The following ZC3H12B variants were observed in gnomAD, a reference collection of about 807,000 sequenced individuals.
The protein encoded by ZC3H12B is zinc finger CCCH-type containing 12B, also known as probable ribonuclease ZC3H12B.
A neutral mutation model predicts 43.9 loss-of-function variants in ZC3H12B; 7 were observed. The ratio of observed to expected loss-of-function variants is 0.16; its 90% confidence interval spans 0.09 to 0.30. The LOEUF (loss-of-function observed/expected upper bound fraction) is 0.30. ZC3H12B is among the 10% of genes least tolerant of loss of function. The pLI is 1.00. For synonymous variants in ZC3H12B, 222 were observed against 241.7 expected (o/e 0.92, Z 0.76); for missense variants, 475 against 670.2 (o/e 0.71, Z 3.22).
intron 3 of ZC3H12B, among the ~76,000 whole-genome samples, chrX:65,429,967 T>C (rs1420375681): frequency 8.9e-6 from 1 of 111,996 alleles, no homozygotes; most frequent in African/African-American, 3.2e-5. Context: ...TCAGGCAGAC[T>C]CCACCCAGTT....
chrX:65,389,398 A>C (rs754456479), intron 2 of ZC3H12B, among the ~76,000 whole-genome samples: 4 of 112,553 alleles, frequency 3.6e-5, no homozygotes, highest in Admixed American at 1.9e-4. Context: ...CTGTGCTAGC[A>C]GTGAGCGGGG....
the ZC3H12B span, among the ~76,000 whole-genome samples, chrX:65,333,448 G>T: frequency 1.8e-5 from 2 of 112,129 alleles, no homozygotes; most frequent in Admixed American, 1.9e-4. Flanking sequence ...GTTCACAGCA[G>T]TATAGTTTAC....
intron 3 of ZC3H12B, among the ~76,000 whole-genome samples, chrX:65,401,229 G>T (rs2066759015): frequency 9.0e-6 from 1 of 111,624 alleles, no homozygotes; most frequent in Non-Finnish European, 1.9e-5. Flanking sequence ...CGCACCCTTG[G>T]CAGCAGCAGT....
chrX:65,345,939 C>T, the ZC3H12B span, among the ~76,000 whole-genome samples: 4 of 110,890 alleles, frequency 3.6e-5, no homozygotes, highest in Non-Finnish European at 7.5e-5. Flanking sequence ...CCATGAAGAA[C>T]TACAAAACAC....
At chrX:65,310,403 C>A in the ZC3H12B span, among the ~76,000 whole-genome samples, 2 of 111,110 alleles carry the variant, frequency 1.8e-5, no homozygotes, top group Non-Finnish European at 3.8e-5. Context: ...CATTCACAAT[C>A]GCCATAAAGA....
upstream of ZC3H12B, among the ~76,000 whole-genome samples, chrX:65,363,188 T>C (rs187122082): frequency 3.6e-5 from 4 of 111,223 alleles, no homozygotes; most frequent in African/African-American, 9.8e-5. Flanking sequence ...AACCTTCTAC[T>C]TTGTAGCCCC....
chrX:65,228,705 G>A, the ZC3H12B span, among the ~76,000 whole-genome samples: 7 of 112,071 alleles, frequency 6.2e-5, no homozygotes, highest in Non-Finnish European at 9.4e-5. Context: ...CAAAATCAAT[G>A]TACAAAAATC....
chrX:65,389,119 G>C (rs1021616140), intron 2 of ZC3H12B, among the ~76,000 whole-genome samples: 3 of 112,117 alleles, frequency 2.7e-5, no homozygotes, highest in Non-Finnish European at 5.6e-5. Flanking sequence ...GTCCGTTCTC[G>C]GATCTCCAGC....
the ZC3H12B span, among the ~76,000 whole-genome samples, chrX:65,044,263 G>A: frequency 5.4e-5 from 6 of 111,501 alleles, no homozygotes; most frequent in East Asian, 1.4e-3. Flanking sequence ...AACATTTCAG[G>A]CAGAAAGAAT....
chrX:65,381,624 A>G (rs2066441131), intron 2 of ZC3H12B, among the ~76,000 whole-genome samples: 1 of 112,193 alleles, frequency 8.9e-6, no homozygotes, highest in Non-Finnish European at 1.9e-5. Context: ...TGAAGGAAAT[A>G]GAGACACAAA....
the ZC3H12B span, among the ~76,000 whole-genome samples, chrX:65,068,055 G>T: frequency 1.2e-5 from 1 of 82,765 alleles, no homozygotes; most frequent in African/African-American, 4.7e-5. Flanking sequence ...AATTTCTCTT[G>T]TTATTGATTT....
intron 3 of ZC3H12B, among the ~76,000 whole-genome samples, chrX:65,407,160 AAAAG>A (rs1237602101): frequency 8.8e-6 from 1 of 113,142 alleles, no homozygotes. Context: ...ACTGAGGAAG[AAAAG>A]AAAGAAGACC....
At chrX:65,359,183 T>G in the ZC3H12B span, among the ~76,000 whole-genome samples, 1 of 111,522 alleles carries the variant, frequency 9.0e-6, no homozygotes, top group African/African-American at 3.3e-5. Flanking sequence ...TTCAAGATAT[T>G]ACTTCTATTG....
intron 3 of ZC3H12B, among the ~76,000 whole-genome samples, chrX:65,483,385 G>C (rs1282588107): frequency 9.0e-6 from 1 of 111,668 alleles, no homozygotes; most frequent in Non-Finnish European, 1.9e-5. Flanking sequence ...AATAAAAATG[G>C]AAAGATTTGA....
At chrX:65,353,680 T>C in the ZC3H12B span, among the ~76,000 whole-genome samples, 9 of 112,043 alleles carry the variant, frequency 8.0e-5, no homozygotes, top group Non-Finnish European at 1.7e-4. Context: ...GCGGATCCCA[T>C]CACCATGGAG....
chrX:65,265,966 T>G, the ZC3H12B span, among the ~76,000 whole-genome samples: 12 of 111,558 alleles, frequency 1.1e-4, no homozygotes, highest in Admixed American at 1.9e-4. Flanking sequence ...TGTGGCATAG[T>G]GGGTGGTAAC....
chrX:65,056,521 A>G, the ZC3H12B span, among the ~76,000 whole-genome samples: 1 of 111,594 alleles, frequency 9.0e-6, no homozygotes, highest in African/African-American at 3.3e-5. Flanking sequence ...TATGTGGTCA[A>G]TTTTGGAATA....
At chrX:65,263,962 A>G in the ZC3H12B span, among the ~76,000 whole-genome samples, 13 of 111,666 alleles carry the variant, frequency 1.2e-4, no homozygotes, top group Non-Finnish European at 2.1e-4. Context: ...TGTATAAACC[A>G]TGGAATACTG....
chrX:65,261,918 A>G, the ZC3H12B span, among the ~76,000 whole-genome samples: 1 of 110,820 alleles, frequency 9.0e-6, no homozygotes, highest in African/African-American at 3.3e-5. Flanking sequence ...TGCTTAGCAC[A>G]TATCTTAGGT....
Sources: allele counts gnomAD v4.1 joint callset (sites outside exome capture counted in the v4.1 genomes callset), GRCh38; gene constraint gnomAD v4.1.1; transcripts MANE v1.5; gene names NCBI Gene and HGNC (gene_info 2026-07-23, HGNC 2026-07-21).